ZNF415: variants seen among roughly 807,000 people sequenced by gnomAD.
ZNF415 encodes the protein zinc finger protein 415.
Under a neutral mutation model 7.3 loss-of-function variants are expected in ZNF415, and 5 were observed. That is an observed-to-expected ratio of 0.69 (90% CI 0.36 to 1.44). The LOEUF (loss-of-function observed/expected upper bound fraction) is 1.44, where lower values mean the gene tolerates loss of function less well. Ranked by LOEUF, ZNF415 falls within the 40% of genes most tolerant of loss-of-function variation. The pLI is 0.04. For missense variants in ZNF415, 628 were observed against 664.8 expected (o/e 0.94, Z 0.61); for synonymous variants, 207 against 226.3 (o/e 0.91, Z 0.77).
At chr19:53,127,247 T>C (rs62115494) in intron 1 of ZNF415, among the ~76,000 whole-genome samples, 26,125 of 151,852 alleles carry the variant, frequency 0.17, 2,631 homozygotes, top group Non-Finnish European at 0.23. Flanking sequence ...CCCTCTGGAC[T>C]CAGACACGCT....
chr19:53,131,589 T>C (rs1376356486), intron 1 of ZNF415, among the ~76,000 whole-genome samples: 2 of 152,074 alleles, frequency 1.3e-5, no homozygotes, highest in African/African-American at 4.8e-5. Context: ...TCTCACCTTC[T>C]TTCTCTAGCT....
At chr19:53,119,966 AAAG>A in intron 2 of ZNF415, among the ~76,000 whole-genome samples, 1 of 146,712 alleles carries the variant, frequency 6.8e-6, no homozygotes, top group Non-Finnish European at 1.5e-5. Context: ...TCAAACTTTC[AAAG>A]AAGAACTAAG....
At chr19:53,113,610 T>C (rs2146292873) in intron 3 of ZNF415, among the ~76,000 whole-genome samples, 1 of 150,154 alleles carries the variant, frequency 6.7e-6, no homozygotes, top group African/African-American at 2.5e-5. Flanking sequence ...CTTCACAAGC[T>C]CCCTCCACAA....
At chr19:53,129,620 G>A (rs772762187) in intron 1 of ZNF415, 192 of 399,396 alleles carry the variant, frequency 4.8e-4, no homozygotes, top group South Asian at 1.1e-3. Flanking sequence ...TGTTACAGGT[G>A]GGCTCACTGA....
chr19:53,121,946 A>G (rs557101029), intron 2 of ZNF415, among the ~76,000 whole-genome samples: 1 of 152,090 alleles, frequency 6.6e-6, no homozygotes, highest in African/African-American at 2.4e-5. Context: ...GTATTTGTCT[A>G]TATTAACACC....
chr19:53,130,440 T>C (rs1410021473), intron 1 of ZNF415, among the ~76,000 whole-genome samples: 2 of 139,798 alleles, frequency 1.4e-5, no homozygotes, highest in African/African-American at 2.5e-5. Context: ...TGATGAATTT[T>C]GGAGCTAAAA....
At chr19:53,110,788 CAT>C (rs1354387355) in intron 3 of ZNF415, among the ~76,000 whole-genome samples, 1 of 152,148 alleles carries the variant, frequency 6.6e-6, no homozygotes, top group Non-Finnish European at 1.5e-5. Context: ...CAGGTAAACA[CAT>C]AGCATTATAA....
chr19:53,108,938 T>A lies in ZNF415; in HGVS notation c.1107A>T (p.Ser369=). ...GAATTCTCTGATGAGTTGCAAGGCTTGAAGTCTGACTGAACACCTTGCCAC... is the reference window on the plus strand; with the variant it reads ...GAATTCTCTGATGAGTTGCAAGGCTAGAAGTCTGACTGAACACCTTGCCAC... ...NECGKVFSQT[S]SLATHQRIHT... is the part of the protein sequence containing the mutation. Residue 369 remains serine, a synonymous_variant, in exon 4 of 4, where the codon TCA becomes TCT. Transcript: ENST00000243643. The A allele has an allele frequency of 6.2e-7, 1 of 1,614,164 alleles. No individual in the cohort carries two copies. Among genetic ancestry groups the A allele is most frequent in the Non-Finnish European group, 8.5e-7 (1 of 1,180,030 alleles).
intron 2 of ZNF415, among the ~76,000 whole-genome samples, chr19:53,117,433 T>C (rs60483929): frequency 0.021 from 3,140 of 147,542 alleles, 113 homozygotes; most frequent in African/African-American, 0.074. Context: ...AAGGGCGAAA[T>C]TCCGTCTCAA....
intron 1 of ZNF415, among the ~76,000 whole-genome samples, chr19:53,132,498 G>C (rs908142307): frequency 1.3e-5 from 2 of 152,180 alleles, no homozygotes; most frequent in Non-Finnish European, 1.5e-5. Context: ...AGGACGCAAG[G>C]CTCCCCGGGA....
In ZNF415 at chr19:53,116,613, C is replaced by CT. The variant is rs55841712; in HGVS notation, c.16-181dup. 2.0e-3 allele frequency among the ~76,000 whole-genome samples: 87 copies of CT among 43,476 alleles called. 1 individual carries two copies. The highest frequency in any genetic ancestry group is 0.015 in the Middle Eastern group (1 of 68). The allele number at this position is 43,476 out of a possible 152,430, so 28.5% of individuals were successfully genotyped here. A position where few individuals can be genotyped will look rare whatever the true frequency, so the allele number is the denominator to read the frequency against. On this transcript the variant is annotated intron_variant, in intron 2 of 3. Coordinates refer to ENST00000243643, the MANE Select transcript of ZNF415 (RefSeq NM_018355.4). ...TCCCTAATTGTGGTTTTTTTTCTCT[C>CT]TTTTTTTTTTTTTTTGGTTTGAGAC...
chr19:53,127,891 A>G (rs935962119), intron 1 of ZNF415, among the ~76,000 whole-genome samples: 8 of 115,578 alleles, frequency 6.9e-5, no homozygotes, highest in East Asian at 4.8e-4. Flanking sequence ...AAAAAAAAAG[A>G]AAAAGAAAAA....
At chr19:53,122,547 C>T in intron 2 of ZNF415, 115 bp downstream of exon 2, 1 of 1,600,410 alleles carries the variant, frequency 6.2e-7, no homozygotes, top group Non-Finnish European at 8.5e-7. Context: ...TCAATGTGAG[C>T]AAACGCGTCA....
intron 3 of ZNF415, chr19:53,115,697 G>T (rs552321944): frequency 6.5e-7 from 1 of 1,546,940 alleles, no homozygotes; most frequent in Non-Finnish European, 8.7e-7. Context: ...CTCATCTGAG[G>T]TCTTACCTGT....
chr19:53,116,994 A>G (rs1207115130), intron 2 of ZNF415, among the ~76,000 whole-genome samples: 2 of 152,180 alleles, frequency 1.3e-5, no homozygotes, highest in Non-Finnish European at 2.9e-5. Flanking sequence ...AAAAAGATAG[A>G]AAGCTATTTA....
At chr19:53,115,774 C>T (rs943231297) in intron 3 of ZNF415, 1 of 1,550,444 alleles carries the variant, frequency 6.4e-7, no homozygotes. Context: ...TTTCTATGGT[C>T]CAGGGCTCTT....
chr19:53,121,388 A>C (rs951529684), intron 2 of ZNF415, among the ~76,000 whole-genome samples: 3 of 126,988 alleles, frequency 2.4e-5, no homozygotes, highest in Non-Finnish European at 5.2e-5. Context: ...CCGTCTCAAA[A>C]AAAAAAAAAA....
At position 53,111,340 on chromosome 19, in the gene ZNF415, CTTTTT is replaced by C. The variant is rs61112807; in HGVS notation, c.137-1437_137-1433del. On this transcript the variant is annotated intron_variant, in intron 3 of 3. Coordinates refer to ENST00000243643, the MANE Select transcript of ZNF415 (RefSeq NM_018355.4). The stretch of plus-strand genomic sequence containing the variant: ...TTAGTTCTCCTAGCCTATGATATTT[CTTTTT>C]TTTTTTTTTTTTTTTTGAGACCCAG... 1.7e-4 allele frequency among the ~76,000 whole-genome samples: 18 copies of C among 105,116 alleles called. No homozygotes were observed. The South Asian group carries it at 5.9e-3, about 34-fold the overall frequency. 69.0% of individuals were successfully genotyped at this position (105,116 alleles called of 152,430 possible). A position where few individuals can be genotyped will look rare whatever the true frequency, so the allele number is the denominator to read the frequency against.
At position 53,109,099 on chromosome 19, in the gene ZNF415, C is replaced by G; in HGVS notation, c.946G>C (p.Ala316Pro). 6.2e-7 allele frequency: 1 copy of G among 1,613,884 alleles called. No individual in the cohort carries two copies. The highest frequency in any genetic ancestry group is 1.1e-5 in the South Asian group (1 of 91,078). The change falls in exon 4 of 4, where the codon GCA becomes CCA. Residue 316 changes from alanine to proline, a missense_variant. Transcript: ENST00000243643. ...DKVFSRNSCL[A>P]LHQKTHIGEK... Reference sequence around the variant, plus strand: ...CCAATATGAGTTTTCTGATGTAGTGCAAGGCATGAATTTCGACTGAAGACC... The same window carrying G: ...CCAATATGAGTTTTCTGATGTAGTGGAAGGCATGAATTTCGACTGAAGACC...
Sources: allele counts gnomAD v4.1 joint callset (sites outside exome capture counted in the v4.1 genomes callset), GRCh38; gene constraint gnomAD v4.1.1; transcripts MANE v1.5; gene names NCBI Gene and HGNC (gene_info 2026-07-23, HGNC 2026-07-21).